Variants in GAN observed in about 807,000 individuals in gnomAD.
The protein encoded by GAN is epididymis secretory sperm binding protein.
GAN carries 48 observed loss-of-function variants against 71.3 expected under a neutral mutation model. That is an observed-to-expected ratio of 0.67 (90% CI 0.53 to 0.86). The LOEUF (loss-of-function observed/expected upper bound fraction) is 0.86. GAN is among the 40% of genes least tolerant of loss of function. GAN has a pLI of 0.00. For synonymous variants in GAN, 386 were observed against 276.8 expected (o/e 1.39, Z -3.92); for missense variants, 928 against 770.1 (o/e 1.21, Z -2.43).
chr16:81,330,379 G>C (rs747159547), intron 1 of GAN, among the ~76,000 whole-genome samples: 1 of 152,238 alleles, frequency 6.6e-6, no homozygotes, highest in African/African-American at 2.4e-5. Context: ...GACAGGCTTT[G>C]TGCAGGGCAC....
At chr16:81,333,074 C>T (rs78512206) in intron 1 of GAN, among the ~76,000 whole-genome samples, 1 of 151,916 alleles carries the variant, frequency 6.6e-6, no homozygotes, top group African/African-American at 2.4e-5. Flanking sequence ...CCCATCTCTA[C>T]CAAAAATACA....
chr16:81,316,590 G>A (rs1332755683), intron 1 of GAN, among the ~76,000 whole-genome samples: 1 of 152,182 alleles, frequency 6.6e-6, no homozygotes, highest in Admixed American at 6.5e-5. Context: ...TCCGAGGTTT[G>A]AGCAACCCAT....
intron 2 of GAN, among the ~76,000 whole-genome samples, chr16:81,354,180 G>C (rs1041363421): frequency 6.6e-6 from 1 of 152,004 alleles, no homozygotes; most frequent in Non-Finnish European, 1.5e-5. Flanking sequence ...TACAGCAAGG[G>C]CAGAGCTGGG....
At chr16:81,364,914 T>C (rs978743340) in intron 7 of GAN, 60 bp from the exon 8 acceptor site, 27 of 1,536,038 alleles carry the variant, frequency 1.8e-5, no homozygotes, top group Non-Finnish European at 2.3e-5. Flanking sequence ...GTTTAATATC[T>C]GTTCACCTGA....
intron 5 of GAN, 76 bp downstream of exon 5, chr16:81,358,007 A>G: frequency 8.1e-7 from 1 of 1,241,900 alleles, no homozygotes; most frequent in Non-Finnish European, 1.2e-6. Context: ...AGAATGACTC[A>G]GAGCCTTTTA....
Position 81,363,569 on chromosome 16 carries a change from T to A in GAN, c.1087-225T>A, listed in dbSNP as rs112859650. Reference sequence around the variant, plus strand: ...TTTGTTATGTGTGTATATTGCATAATGCTGAGGTTTGCAGTAAGATTAATC... The same window carrying A: ...TTTGTTATGTGTGTATATTGCATAAAGCTGAGGTTTGCAGTAAGATTAATC... On this transcript the variant is annotated intron_variant, in intron 6 of 10. Transcript: ENST00000648994. Among the ~76,000 whole-genome samples, 2,965 of 152,324 alleles carry A rather than the reference T, an allele frequency of 0.019. 80 individuals carry two copies. Among genetic ancestry groups the A allele is most frequent in the African/African-American group, 0.068 (2,823 of 41,554 alleles).
chr16:81,325,039 TC>T (rs1339349995), intron 1 of GAN, among the ~76,000 whole-genome samples: 5 of 118,866 alleles, frequency 4.2e-5, no homozygotes, highest in African/African-American at 1.0e-4. Context: ...CAGGGATGGC[TC>T]CCAGGCAGGG....
At chr16:81,322,168 A>G (rs1271468308) in intron 1 of GAN, among the ~76,000 whole-genome samples, 5 of 152,260 alleles carry the variant, frequency 3.3e-5, no homozygotes, top group Admixed American at 6.5e-5. Context: ...ATTATTACAG[A>G]AATACTGCAA....
At position 81,336,202 on chromosome 16, in the gene GAN, C is replaced by T. The variant is rs1909755514; in HGVS notation, c.168-15381C>T. 2.6e-5 allele frequency among the ~76,000 whole-genome samples: 4 copies of T among 152,350 alleles called. No homozygotes were observed. In the South Asian group the frequency reaches 8.3e-4, roughly 32 times the overall value. On this transcript the variant is annotated intron_variant, in intron 1 of 10. Transcript: ENST00000648994. ...TGGCACCCAGTCCACACCCCACTAC[C>T]TGCTGAGGAGCTTCCTTGGGTTTCC...
At chr16:81,344,330 A>G (rs1298287269) in intron 1 of GAN, among the ~76,000 whole-genome samples, 1 of 152,140 alleles carries the variant, frequency 6.6e-6, no homozygotes, top group Non-Finnish European at 1.5e-5. Flanking sequence ...AGAACAAAGA[A>G]CAAAGTCAGG....
At chr16:81,373,538 C>T (rs968954254) in intron 9 of GAN, among the ~76,000 whole-genome samples, 2 of 152,160 alleles carry the variant, frequency 1.3e-5, no homozygotes, top group Non-Finnish European at 2.9e-5. Context: ...ATCAGCTTCT[C>T]CTAGTGTTAA....
chr16:81,345,570 G>A (rs1220528301), intron 1 of GAN, among the ~76,000 whole-genome samples: 1 of 152,124 alleles, frequency 6.6e-6, no homozygotes, highest in Non-Finnish European at 1.5e-5. Flanking sequence ...CACAGGGAGG[G>A]GAACATCGCA....
chr16:81,356,684 T>A (rs1220303000), intron 3 of GAN, 101 bp from the exon 4 acceptor site: 4 of 844,184 alleles, frequency 4.7e-6, no homozygotes, highest in Admixed American at 1.7e-5. Flanking sequence ...ATAACCTGAG[T>A]GTTAACAGTT....
Position 81,359,407 on chromosome 16 carries a change from T to TG in GAN, c.973+1476_973+1477insG, listed in dbSNP as rs201146595. 1.6e-3 allele frequency among the ~76,000 whole-genome samples: 244 copies of TG among 148,118 alleles called. 1 individual carries two copies. The highest frequency in any genetic ancestry group is 5.3e-3 in the African/African-American group (216 of 40,584). Reference sequence around the variant, plus strand: ...CTTCCGTTTGTCCAGGCTGCATTGTTTTTTTTTTTTTTTTTGCCTTTTTAA... The same window carrying TG: ...CTTCCGTTTGTCCAGGCTGCATTGTTGTTTTTTTTTTTTTTTGCCTTTTTAA... On this transcript the variant is annotated intron_variant, in intron 5 of 10. Coordinates refer to ENST00000648994, the MANE Select transcript of GAN (RefSeq NM_022041.4).
At chr16:81,325,398 A>T (rs1909352237) in intron 1 of GAN, among the ~76,000 whole-genome samples, 1 of 152,196 alleles carries the variant, frequency 6.6e-6, no homozygotes, top group Admixed American at 6.5e-5. Flanking sequence ...AGAACAAAGG[A>T]TAAATGCAGG....
At chr16:81,335,459 A>C (rs1324279589) in intron 1 of GAN, among the ~76,000 whole-genome samples, 1 of 152,124 alleles carries the variant, frequency 6.6e-6, no homozygotes, top group East Asian at 1.9e-4. Flanking sequence ...TCTACTAAAA[A>C]TACATGGCCG....
intron 1 of GAN, among the ~76,000 whole-genome samples, chr16:81,316,165 C>G (rs1909032470): frequency 6.6e-6 from 1 of 152,068 alleles, no homozygotes; most frequent in East Asian, 1.9e-4. Flanking sequence ...CTTTTAGCAA[C>G]CTTCTTGCAA....
At chr16:81,340,651 C>A (rs77568612) in intron 1 of GAN, among the ~76,000 whole-genome samples, 3,214 of 152,098 alleles carry the variant, frequency 0.021, 56 homozygotes, top group East Asian at 0.082. Context: ...ATCAAAGACC[C>A]AAGTAGATAA....
chr16:81,336,498 C>G (rs1023305667), intron 1 of GAN, among the ~76,000 whole-genome samples: 1 of 152,116 alleles, frequency 6.6e-6, no homozygotes, highest in East Asian at 1.9e-4. Context: ...GGGTCTCACT[C>G]TGTTGCCCAG....
Sources: allele counts gnomAD v4.1 joint callset (sites outside exome capture counted in the v4.1 genomes callset), GRCh38; gene constraint gnomAD v4.1.1; transcripts MANE v1.5; gene names NCBI Gene and HGNC (gene_info 2026-07-23, HGNC 2026-07-21).